The following PACRG variants were observed in gnomAD, a reference collection of about 807,000 sequenced individuals.
PACRG encodes the protein parkin coregulated.
In PACRG, 29 loss-of-function variants were observed where a neutral mutation model predicts 29.7. That is an observed-to-expected ratio of 0.98 (90% CI 0.73 to 1.33). The LOEUF (loss-of-function observed/expected upper bound fraction) is 1.33, where lower values mean the gene tolerates loss of function less well. PACRG is among the 40% of genes most tolerant of loss of function. The pLI, the probability that PACRG is intolerant of heterozygous loss-of-function variation, is 0.00. For missense variants in PACRG, 279 were observed against 316.2 expected (o/e 0.88, Z 0.89); for synonymous variants, 116 against 118.7 (o/e 0.98, Z 0.15).
chr6:163,056,442 C>T (rs534886807), intron 2 of PACRG, among the ~76,000 whole-genome samples: 1 of 152,246 alleles, frequency 6.6e-6, no homozygotes, highest in South Asian at 2.1e-4. Flanking sequence ...GTCAACCTAC[C>T]CCTAAGTTGG....
chr6:163,174,879 C>T (rs1182145564), intron 4 of PACRG, among the ~76,000 whole-genome samples: 1 of 151,936 alleles, frequency 6.6e-6, no homozygotes, highest in Admixed American at 6.6e-5. Flanking sequence ...CCTCACAGCA[C>T]ACGTAAATAA....
At chr6:162,963,805 C>A (rs892374686) in intron 2 of PACRG, among the ~76,000 whole-genome samples, 1 of 151,912 alleles carries the variant, frequency 6.6e-6, no homozygotes, top group Admixed American at 6.6e-5. Context: ...TCTATCCAGG[C>A]CTGCATATTT....
intron 1 of PACRG, among the ~76,000 whole-genome samples, chr6:162,787,975 C>T (rs977407507): frequency 2.0e-5 from 3 of 152,074 alleles, no homozygotes; most frequent in African/African-American, 7.2e-5. Flanking sequence ...CCGTGTGCTC[C>T]CTGCACCAGT....
intron 4 of PACRG, among the ~76,000 whole-genome samples, chr6:163,248,628 A>G (rs942440412): frequency 2.3e-4 from 35 of 152,158 alleles, no homozygotes; most frequent in Admixed American, 9.2e-4. Context: ...AGAATTCCCA[A>G]TTTCCAACAG....
intron 2 of PACRG, among the ~76,000 whole-genome samples, chr6:162,941,683 A>T: frequency 6.6e-6 from 1 of 152,106 alleles, no homozygotes; most frequent in East Asian, 1.9e-4. Context: ...AATTAGCTTT[A>T]TTTAATCATG....
At chr6:162,947,461 AT>A (rs1258995064) in intron 2 of PACRG, among the ~76,000 whole-genome samples, 2 of 23,412 alleles carry the variant, frequency 8.5e-5, no homozygotes, top group African/African-American at 1.7e-4. Flanking sequence ...CATATATATA[AT>A]CATATATAAT....
Position 162,743,313 on chromosome 6 carries a change from G to A in PACRG, c.156+14922G>A, listed in dbSNP as rs1242099699. On this transcript the variant is annotated intron_variant, in intron 1 of 4. Transcript: ENST00000366888. ...CATTGTAAAAGAGAAAAATTCTTATGTAGAGTCTTAAGAAAATACATAAAA... is the reference window on the plus strand; with the variant it reads ...CATTGTAAAAGAGAAAAATTCTTATATAGAGTCTTAAGAAAATACATAAAA... 3.3e-5 allele frequency among the ~76,000 whole-genome samples: 5 copies of A among 152,030 alleles called. No individual in the cohort carries two copies. In the East Asian group the frequency reaches 7.7e-4, roughly 23 times the overall value.
chr6:162,776,579 C>T (rs1390051522), intron 1 of PACRG, among the ~76,000 whole-genome samples: 3 of 152,208 alleles, frequency 2.0e-5, no homozygotes, highest in Non-Finnish European at 4.4e-5. Context: ...CATTCTCCTG[C>T]CCTGGGCCTC....
chr6:162,899,768 A>G (rs1196629763), intron 2 of PACRG, among the ~76,000 whole-genome samples: 1 of 152,208 alleles, frequency 6.6e-6, no homozygotes, highest in Non-Finnish European at 1.5e-5. Context: ...AGATATTCAC[A>G]TTGTGAAACC....
At chr6:162,852,455 T>C (rs1791003804) in intron 2 of PACRG, among the ~76,000 whole-genome samples, 1 of 152,172 alleles carries the variant, frequency 6.6e-6, no homozygotes, top group African/African-American at 2.4e-5. Context: ...AGCCTCCTTC[T>C]CCTGCGGGAC....
At chr6:163,064,485 T>C (rs993197640) in intron 3 of PACRG, among the ~76,000 whole-genome samples, 1 of 152,218 alleles carries the variant, frequency 6.6e-6, no homozygotes, top group Non-Finnish European at 1.5e-5. Context: ...GTTGATGCCA[T>C]TGCGTGGCTT....
At chr6:162,875,318 C>A (rs1326020283) in intron 2 of PACRG, among the ~76,000 whole-genome samples, 1 of 151,548 alleles carries the variant, frequency 6.6e-6, no homozygotes, top group Non-Finnish European at 1.5e-5. Context: ...CATGCACAGA[C>A]ATTCACACAC....
intron 2 of PACRG, among the ~76,000 whole-genome samples, chr6:163,036,627 C>G (rs1046335508): frequency 6.6e-5 from 10 of 152,120 alleles, no homozygotes; most frequent in Admixed American, 3.9e-4. Flanking sequence ...ACTTGTGAAT[C>G]AAAAGGGGAT....
In PACRG at chr6:163,036,842, A is replaced by G. The variant is rs146882389; in HGVS notation, c.292-25308A>G. ...TATTTATCCATCCATCCATCCATCC[A>G]CCTATCCATCCAGCTATCCATCCAT... On this transcript the variant is annotated intron_variant, in intron 2 of 4. Coordinates refer to ENST00000366888, the MANE Select transcript of PACRG (RefSeq NM_001080379.2). 7.8e-4 allele frequency among the ~76,000 whole-genome samples: 116 copies of G among 149,444 alleles called. 2 individuals carry two copies. The East Asian group carries it at 0.022, about 28-fold the overall frequency.
At chr6:162,792,152 GAGGCC>G (rs1785004648) in intron 1 of PACRG, among the ~76,000 whole-genome samples, 1 of 152,120 alleles carries the variant, frequency 6.6e-6, no homozygotes, top group Admixed American at 6.5e-5. Context: ...TTGGGCTGCT[GAGGCC>G]TCAGCATACG....
chr6:162,963,666 A>G (rs867558743), intron 2 of PACRG, among the ~76,000 whole-genome samples: 1 of 150,840 alleles, frequency 6.6e-6, no homozygotes, highest in South Asian at 2.1e-4. Context: ...CACATTTTAT[A>G]TATACATTTT....
At chr6:163,122,926 A>T (rs1430494393) in intron 4 of PACRG, among the ~76,000 whole-genome samples, 1 of 152,198 alleles carries the variant, frequency 6.6e-6, no homozygotes, top group African/African-American at 2.4e-5. Flanking sequence ...AAGACTACTG[A>T]TACAGCTCCG....
Position 162,963,053 on chromosome 6 carries a change from T to C in PACRG, c.292-99097T>C, listed in dbSNP as rs117241176. 3.5e-3 allele frequency among the ~76,000 whole-genome samples: 530 copies of C among 152,276 alleles called. 13 individuals carry two copies. The highest frequency in any genetic ancestry group is 0.026 in the Admixed American group (396 of 15,290). ...TGATACTTGTTTTGCTATAATAAGA[T>C]GAAGATGTCTAGGAAAGTATAGGAT... is the stretch of plus-strand genomic sequence containing the variant. On this transcript the variant is annotated intron_variant, in intron 2 of 4. Coordinates refer to ENST00000366888, the MANE Select transcript of PACRG (RefSeq NM_001080379.2).
intron 3 of PACRG, among the ~76,000 whole-genome samples, chr6:163,082,462 C>A (rs1396440300): frequency 2.0e-5 from 3 of 152,040 alleles, no homozygotes; most frequent in African/African-American, 7.2e-5. Context: ...GAATTCTGAT[C>A]TATTAAAACA....
Sources: gnomAD v4.1 joint callset for allele counts (sites outside exome capture counted in the v4.1 genomes callset) on GRCh38, gnomAD v4.1.1 for gene constraint, MANE v1.5 for transcripts, NCBI Gene and HGNC (gene_info 2026-07-23, HGNC 2026-07-21) for gene names.